ELMOD1: variants seen among roughly 807,000 people sequenced by gnomAD.
The protein encoded by ELMOD1 is ELMO domain-containing protein 1.
Under a neutral mutation model 46.7 loss-of-function variants are expected in ELMOD1, and 21 were observed. The observed-to-expected ratio is 0.45, with a 90% CI of 0.32 to 0.65. The LOEUF (loss-of-function observed/expected upper bound fraction) is 0.65, where lower values mean the gene tolerates loss of function less well. Ranked by LOEUF, ELMOD1 falls within the 30% of genes least tolerant of loss-of-function variation. ELMOD1 has a pLI of 0.04. For synonymous variants in ELMOD1, 122 were observed against 138.2 expected (o/e 0.88, Z 0.82); for missense variants, 348 against 407.8 (o/e 0.85, Z 1.26).
intron 10 of ELMOD1, 41 bp downstream of exon 10, chr11:107,654,263 A>ACAGAAC (rs751563516): frequency 1.3e-5 from 20 of 1,531,734 alleles, no homozygotes; most frequent in African/African-American, 5.5e-5. Context: ...TCCGTCTGAA[A>ACAGAAC]CAGAACCAGA....
intron 4 of ELMOD1, 128 bp from the exon 5 acceptor site, chr11:107,631,452 C>T (rs889031388): frequency 2.3e-5 from 6 of 263,192 alleles, no homozygotes; most frequent in Non-Finnish European, 4.3e-5. Flanking sequence ...TACGCTAAAT[C>T]AATTGTTGCT....
At chr11:107,614,792 A>G (rs1865833690) in intron 1 of ELMOD1, among the ~76,000 whole-genome samples, 1 of 152,124 alleles carries the variant, frequency 6.6e-6, no homozygotes, top group Non-Finnish European at 1.5e-5. Flanking sequence ...TTATCTTGCC[A>G]TCACTATTTT....
At chr11:107,638,647 T>G (rs1165800936) in intron 6 of ELMOD1, among the ~76,000 whole-genome samples, 1 of 152,160 alleles carries the variant, frequency 6.6e-6, no homozygotes, top group African/African-American at 2.4e-5. Flanking sequence ...ACAGAACTGT[T>G]TAGAGCAAAA....
chr11:107,622,331 G>A (rs1865964730), intron 2 of ELMOD1, among the ~76,000 whole-genome samples: 1 of 152,122 alleles, frequency 6.6e-6, no homozygotes, highest in Non-Finnish European at 1.5e-5. Context: ...CCCTGTTTGG[G>A]GTGAGTAGAA....
At chr11:107,637,831 T>C (rs1393149300) in intron 6 of ELMOD1, among the ~76,000 whole-genome samples, 2 of 152,232 alleles carry the variant, frequency 1.3e-5, no homozygotes, top group Non-Finnish European at 2.9e-5. Context: ...CTTTTAATTA[T>C]GGCAGCAACC....
chr11:107,618,023 T>G, intron 1 of ELMOD1, 82 bp from the exon 2 acceptor site: 1 of 691,192 alleles, frequency 1.4e-6, no homozygotes, highest in Non-Finnish European at 2.6e-6. Flanking sequence ...TGTTAACTGC[T>G]TGCCTCAGTA....
chr11:107,619,814 A>G (rs948411901), intron 2 of ELMOD1, among the ~76,000 whole-genome samples: 5 of 152,186 alleles, frequency 3.3e-5, no homozygotes, highest in Non-Finnish European at 7.4e-5. Flanking sequence ...CAGAACCAAC[A>G]CATCCCTATT....
At chr11:107,596,277 C>CAGCT (rs1232295569) in intron 1 of ELMOD1, among the ~76,000 whole-genome samples, 46 of 152,048 alleles carry the variant, frequency 3.0e-4, no homozygotes, top group African/African-American at 1.1e-3. Flanking sequence ...ATTTATCTCA[C>CAGCT]AGCTGTTTTT....
At position 107,654,828 on chromosome 11, in the gene ELMOD1, T is replaced by C. The variant is rs181660695; in HGVS notation, c.698+606T>C. Among the ~76,000 whole-genome samples the C allele has an allele frequency of 2.9e-3, 432 of 151,026 alleles. 1 individual carries two copies. The highest frequency in any genetic ancestry group is 0.01 in the African/African-American group (416 of 41,166). Reference sequence around the variant, plus strand: ...GTTTTCTTTTAAGGATTTTACCAAATATTGGGCTATTTGATAAAAATTTAT... The same window carrying C: ...GTTTTCTTTTAAGGATTTTACCAAACATTGGGCTATTTGATAAAAATTTAT... On this transcript the variant is annotated intron_variant, in intron 10 of 11. Transcript: ENST00000265840.
intron 2 of ELMOD1, among the ~76,000 whole-genome samples, chr11:107,625,041 T>C (rs1866017598): frequency 6.6e-6 from 1 of 152,202 alleles, no homozygotes; most frequent in Non-Finnish European, 1.5e-5. Context: ...AGGAAGGAAA[T>C]ACTCTTGTTT....
intron 6 of ELMOD1, among the ~76,000 whole-genome samples, chr11:107,635,988 T>G (rs979580122): frequency 6.6e-6 from 1 of 152,248 alleles, no homozygotes; most frequent in Non-Finnish European, 1.5e-5. Flanking sequence ...GCCAATTTTC[T>G]TTTGTAATCT....
intron 2 of ELMOD1, among the ~76,000 whole-genome samples, chr11:107,618,484 A>C (rs1158504987): frequency 2.0e-5 from 3 of 152,250 alleles, no homozygotes; most frequent in Non-Finnish European, 1.5e-5. Context: ...GTGTCTCTGC[A>C]CAGTGGTACA....
Position 107,630,423 on chromosome 11 carries a change from G to A in ELMOD1, c.24G>A (p.Leu8=). MKHFLRM[L]IQVCLYFYCK... ...TGTGTTTTGTTTTTCACAGAATGTT[G>A]ATCCAGGTATGCCTGTATTTTTACT... The change falls in exon 3 of 12, where the codon TTG becomes TTA. Residue 8 remains leucine, a synonymous_variant. Transcript: ENST00000265840. 1.9e-6 allele frequency: 3 copies of A among 1,597,398 alleles called. No homozygotes were observed. The highest frequency in any genetic ancestry group is 2.6e-6 in the Non-Finnish European group (3 of 1,171,234).
rs574306217 is a variant in ELMOD1, at chr11:107,619,238, C to T, written c.17+1032C>T. 2.0e-5 allele frequency among the ~76,000 whole-genome samples: 3 copies of T among 152,276 alleles called. No individual in the cohort carries two copies. The South Asian group carries it at 6.2e-4, about 32-fold the overall frequency. The stretch of plus-strand genomic sequence containing the variant: ...GGATCTTCGAATTGTGAAAACCTCT[C>T]AGGAAGTTACTGTGAAACAATTTAT... On this transcript the variant is annotated intron_variant, in intron 2 of 11. Transcript: ENST00000265840.
chr11:107,621,751 G>T (rs1451753763), intron 2 of ELMOD1, among the ~76,000 whole-genome samples: 1 of 63,316 alleles, frequency 1.6e-5, no homozygotes, highest in Non-Finnish European at 5.2e-5. Flanking sequence ...TGAGGGCCAG[G>T]CATGGTGGCT....
chr11:107,624,785 A>G (rs1484902669), intron 2 of ELMOD1, among the ~76,000 whole-genome samples: 1 of 152,202 alleles, frequency 6.6e-6, no homozygotes, highest in Non-Finnish European at 1.5e-5. Flanking sequence ...TTATTACACA[A>G]TCAACTAGTG....
At chr11:107,615,018 TCTCTC>T (rs1292690966) in intron 1 of ELMOD1, among the ~76,000 whole-genome samples, 3 of 152,098 alleles carry the variant, frequency 2.0e-5, no homozygotes, top group African/African-American at 7.2e-5. Context: ...TGTATCATCT[TCTCTC>T]CTCTCCTCCC....
intron 9 of ELMOD1, chr11:107,653,365 A>G (rs1205623320): frequency 6.6e-6 from 1 of 151,812 alleles, no homozygotes; most frequent in African/African-American, 2.4e-5. Context: ...GAGAGAAAGC[A>G]TTTTCAGAAT....
chr11:107,618,264 G>T (rs1865893412), intron 2 of ELMOD1, 58 bp downstream of exon 2: 49 of 1,529,374 alleles, frequency 3.2e-5, no homozygotes, highest in Non-Finnish European at 4.2e-5. Context: ...CTCCTCACTG[G>T]TTAGGGTAAT....
Sources: allele counts gnomAD v4.1 joint callset (sites outside exome capture counted in the v4.1 genomes callset), GRCh38; gene constraint gnomAD v4.1.1; transcripts MANE v1.5; gene names NCBI Gene and HGNC (gene_info 2026-07-23, HGNC 2026-07-21).